SH2D1A: variants seen among roughly 807,000 people sequenced by gnomAD.
The protein encoded by SH2D1A is SH2 domain containing 1A, also known as SH2 domain-containing protein 1A.
SH2D1A carries 6 observed loss-of-function variants against 10.1 expected under a neutral mutation model. The observed-to-expected ratio is 0.60, with a 90% CI of 0.33 to 1.18. The LOEUF (loss-of-function observed/expected upper bound fraction) is 1.18, where lower values mean the gene tolerates loss of function less well. Among genes scored for constraint, SH2D1A ranks in the 50% most tolerant of loss-of-function variants. SH2D1A has a pLI of 0.04. For missense variants in SH2D1A, 51 were observed against 97.6 expected, an observed-to-expected ratio of 0.52 and a Z score of 2.01; for synonymous variants, 42 against 36.9, an observed-to-expected ratio of 1.14 and a Z score of -0.51.
chrX:124,367,546 G>A, intron 2 of SH2D1A: 1 of 112,081 alleles, frequency 8.9e-6, no homozygotes. Context: ...TCGAAACTGG[G>A]TAAATGATAG....
At chrX:124,350,259 AT>A (rs1258457807) in intron 1 of SH2D1A, among the ~76,000 whole-genome samples, 3 of 34,762 alleles carry the variant, frequency 8.6e-5, no homozygotes, top group Non-Finnish European at 1.3e-4. Flanking sequence ...TATATAATAT[AT>A]AAATATATAT....
chrX:124,359,242 C>T (rs1017771211), intron 1 of SH2D1A, among the ~76,000 whole-genome samples: 5 of 111,620 alleles, frequency 4.5e-5, no homozygotes, highest in Non-Finnish European at 9.4e-5. Context: ...AGATCAGATT[C>T]GTTAGGAAAC....
Position 124,357,829 on chromosome X carries a change from AT to A in SH2D1A, c.138-7924del, listed in dbSNP as rs376850085. 2.9e-5 allele frequency among the ~76,000 whole-genome samples: 3 copies of A among 102,994 alleles called. No individual in the cohort carries two copies. The South Asian group carries it at 1.3e-3, about 45-fold the overall frequency. 89.4% of individuals were successfully genotyped at this position (102,994 alleles called of 115,157 possible). On this transcript the variant is annotated intron_variant, in intron 1 of 3. Transcript: ENST00000371139. ...CCTTTGCCCATTTTTATTTTATTTT[AT>A]TTTTTTTGCAATGGTGTCTCGGTCT...
chrX:124,366,897 A>G (rs932905414), intron 2 of SH2D1A, among the ~76,000 whole-genome samples: 2 of 109,202 alleles, frequency 1.8e-5, no homozygotes, highest in African/African-American at 6.7e-5. Flanking sequence ...ACACACACAC[A>G]CACACACACA....
At position 124,351,041 on chromosome X, in the gene SH2D1A, T is replaced by A. The variant is rs891942906; in HGVS notation, c.137+4262T>A. ...ATATATTATTATAAATATATATATT[T>A]TATATATATTATTATAAATATATAT... is the stretch of plus-strand genomic sequence containing the variant. On this transcript the variant is annotated intron_variant, in intron 1 of 3. Coordinates refer to ENST00000371139, the MANE Select transcript of SH2D1A (RefSeq NM_002351.5). Among the ~76,000 whole-genome samples, 38 of 90,651 alleles carry A rather than the reference T, an allele frequency of 4.2e-4. No individual in the cohort carries two copies. In the East Asian group the frequency reaches 7.5e-3, roughly 18 times the overall value. The allele number at this position is 90,651 out of a possible 115,157, so 78.7% of individuals were successfully genotyped here. A position where few individuals can be genotyped will look rare whatever the true frequency, so the allele number is the denominator to read the frequency against.
chrX:124,369,078 G>A (rs925762711), intron 2 of SH2D1A, among the ~76,000 whole-genome samples: 1 of 111,012 alleles, frequency 9.0e-6, no homozygotes, highest in African/African-American at 3.3e-5. Context: ...ATAAGGAAAT[G>A]ACTGAGAGTT....
intron 1 of SH2D1A, among the ~76,000 whole-genome samples, chrX:124,356,922 C>T (rs777241250): frequency 8.9e-6 from 1 of 112,177 alleles, no homozygotes; most frequent in East Asian, 2.8e-4. Context: ...AATATGTATA[C>T]ATGTGTAATA....
chrX:124,362,971 G>T (rs932450790), intron 1 of SH2D1A, among the ~76,000 whole-genome samples: 1 of 111,196 alleles, frequency 9.0e-6, no homozygotes, highest in Non-Finnish European at 1.9e-5. Flanking sequence ...TACTCACAAG[G>T]CAAGAGAAGA....
At chrX:124,360,409 G>A (rs1356559145) in intron 1 of SH2D1A, among the ~76,000 whole-genome samples, 1 of 89,010 alleles carries the variant, frequency 1.1e-5, no homozygotes, top group African/African-American at 4.3e-5. Context: ...CAAGACCGTC[G>A]TGGTCAACAG....
chrX:124,368,064 A>G (rs938400691), intron 2 of SH2D1A, among the ~76,000 whole-genome samples: 1 of 111,750 alleles, frequency 8.9e-6, no homozygotes, highest in Admixed American at 9.5e-5. Context: ...AATAGCTTCC[A>G]TACTTCCAGT....
intron 2 of SH2D1A, among the ~76,000 whole-genome samples, chrX:124,366,428 G>T (rs1197738153): frequency 2.7e-5 from 3 of 110,740 alleles, no homozygotes; most frequent in Non-Finnish European, 1.9e-5. Flanking sequence ...GGCTCAATTT[G>T]AAAAGTAAAT....
chrX:124,357,377 T>C (rs2060028976), intron 1 of SH2D1A, among the ~76,000 whole-genome samples: 1 of 112,364 alleles, frequency 8.9e-6, no homozygotes, highest in Non-Finnish European at 1.9e-5. Context: ...ATTTTCTTTA[T>C]CCATTCATCT....
At chrX:124,349,218 GC>G (rs2060001499) in intron 1 of SH2D1A, among the ~76,000 whole-genome samples, 1 of 111,971 alleles carries the variant, frequency 8.9e-6, no homozygotes, top group South Asian at 3.7e-4. Flanking sequence ...GTACACTGGG[GC>G]CTCAAAGTCT....
intron 2 of SH2D1A, among the ~76,000 whole-genome samples, chrX:124,366,920 C>T (rs1431506876): frequency 1.9e-5 from 2 of 103,463 alleles, no homozygotes; most frequent in South Asian, 4.3e-4. Flanking sequence ...CACACACACA[C>T]GTTTGTATAT....
At chrX:124,371,007 A>G (rs2060067956) in intron 3 of SH2D1A, among the ~76,000 whole-genome samples, 1 of 111,888 alleles carries the variant, frequency 8.9e-6, no homozygotes. Flanking sequence ...CTTGATTGAA[A>G]CAATAAATAT....
intron 3 of SH2D1A, 97 bp from the exon 4 acceptor site, chrX:124,371,254 A>G: frequency 1.8e-6 from 1 of 559,267 alleles, no homozygotes; most frequent in Non-Finnish European, 3.0e-6. Flanking sequence ...TGTCATTGTG[A>G]GTTTTATGCA....
chrX:124,360,389 G>A (rs773665497), intron 1 of SH2D1A, among the ~76,000 whole-genome samples: 2 of 96,619 alleles, frequency 2.1e-5, no homozygotes, highest in Non-Finnish European at 4.1e-5. Flanking sequence ...ATAGCTTGAG[G>A]CCAGGAGTTC....
intron 1 of SH2D1A, among the ~76,000 whole-genome samples, chrX:124,347,872 T>C (rs1355074601): frequency 9.0e-6 from 1 of 110,686 alleles, no homozygotes; most frequent in Non-Finnish European, 1.9e-5. Flanking sequence ...TCAGGCATTA[T>C]TGTCAGCAGG....
chrX:124,369,134 CT>C, intron 2 of SH2D1A, among the ~76,000 whole-genome samples: 1 of 111,237 alleles, frequency 9.0e-6, no homozygotes, highest in Middle Eastern at 4.6e-3. Flanking sequence ...CACTATCTAG[CT>C]GACAGAAGTC....
Sources: gnomAD v4.1 joint callset for allele counts (sites outside exome capture counted in the v4.1 genomes callset) on GRCh38, gnomAD v4.1.1 for gene constraint, MANE v1.5 for transcripts, NCBI Gene and HGNC (gene_info 2026-07-23, HGNC 2026-07-21) for gene names.